The following AMPD1 variants were observed in gnomAD, a reference collection of about 807,000 sequenced individuals.
AMPD1 encodes the protein adenosine monophosphate deaminase 1.
A neutral mutation model predicts 82.9 loss-of-function variants in AMPD1; 74 were observed. The ratio of observed to expected loss-of-function variants is 0.89; its 90% CI spans 0.74 to 1.08. The LOEUF (loss-of-function observed/expected upper bound fraction) is 1.08. AMPD1 is among the 50% of genes least tolerant of loss of function. AMPD1 has a pLI of 0.00. For synonymous variants in AMPD1, 333 were observed against 320.5 expected (o/e 1.04, Z -0.42); for missense variants, 881 against 924.5 (o/e 0.95, Z 0.61).
chr1:114,694,037 T>G (rs1658600152), intron 1 of AMPD1, among the ~76,000 whole-genome samples: 1 of 152,006 alleles, frequency 6.6e-6, no homozygotes, highest in African/African-American at 2.4e-5. Flanking sequence ...CTGTGTTATA[T>G]GTGAAACACC....
At chr1:114,679,542 T>G in intron 7 of AMPD1, 37 bp downstream of exon 7, 1 of 1,612,266 alleles carries the variant, frequency 6.2e-7, no homozygotes, top group East Asian at 2.2e-5. Flanking sequence ...GAATTGTTTT[T>G]GCCCAGGAAT....
At chr1:114,690,927 G>A (rs1658497887) in intron 2 of AMPD1, among the ~76,000 whole-genome samples, 1 of 152,180 alleles carries the variant, frequency 6.6e-6, no homozygotes, top group South Asian at 2.1e-4. Flanking sequence ...AATGCTGGAG[G>A]CCTCAGGAAG....
In AMPD1 at chr1:114,675,553, G is replaced by A; in HGVS notation, c.1656C>T (p.Ile552=). 1 of 1,614,158 alleles carries A rather than the reference G, an allele frequency of 6.2e-7. No individual in the cohort carries two copies. Among genetic ancestry groups the A allele is most frequent in the Non-Finnish European group, 8.5e-7 (1 of 1,180,004 alleles). ...ACTTTCTCAGGCTGTTGAGCACCAT[G>A]ATGTTTGCATACATGTAGTAGGCAT... ...TYYAYYMYAN[I]MVLNSLRKER... is the part of the protein sequence containing the mutation. Residue 552 remains isoleucine, a synonymous_variant, in exon 12 of 16, where the codon ATC becomes ATT. Coordinates refer to ENST00000520113, the MANE Select transcript of AMPD1 (RefSeq NM_000036.3).
At chr1:114,687,845 C>G (rs545706409) in intron 3 of AMPD1, among the ~76,000 whole-genome samples, 1 of 152,180 alleles carries the variant, frequency 6.6e-6, no homozygotes, top group African/African-American at 2.4e-5. Context: ...GGATTCATGT[C>G]AGGGAGCATA....
At chr1:114,681,440 C>T (rs910392839) in intron 5 of AMPD1, among the ~76,000 whole-genome samples, 1 of 151,698 alleles carries the variant, frequency 6.6e-6, no homozygotes, top group African/African-American at 2.4e-5. Context: ...ACTAAAAATA[C>T]GAAAATTAGT....
At chr1:114,675,235 A>G (rs1657946093) in intron 12 of AMPD1, among the ~76,000 whole-genome samples, 1 of 152,242 alleles carries the variant, frequency 6.6e-6, no homozygotes, top group Non-Finnish European at 1.5e-5. Flanking sequence ...TTACCCAAAT[A>G]TATCAAGAAG....
chr1:114,695,026 T>C (rs1168056769), intron 1 of AMPD1, among the ~76,000 whole-genome samples: 1 of 152,154 alleles, frequency 6.6e-6, no homozygotes, highest in Admixed American at 6.6e-5. Flanking sequence ...CGTACAAACC[T>C]GGACAACAGA....
chr1:114,690,444 G>C (rs1177011566), intron 2 of AMPD1, among the ~76,000 whole-genome samples: 1 of 152,122 alleles, frequency 6.6e-6, no homozygotes, highest in East Asian at 1.9e-4. Context: ...ATGTACATTG[G>C]AGATGACAGG....
intron 5 of AMPD1, among the ~76,000 whole-genome samples, chr1:114,683,672 T>A (rs1457978749): frequency 6.6e-6 from 1 of 152,012 alleles, no homozygotes; most frequent in Non-Finnish European, 1.5e-5. Flanking sequence ...AGGAGGCAGA[T>A]GTTGCAGTGA....
intron 4 of AMPD1, 66 bp downstream of exon 4, chr1:114,686,679 G>A: frequency 6.5e-7 from 1 of 1,543,706 alleles, no homozygotes; most frequent in Non-Finnish European, 9.0e-7. Flanking sequence ...AAGAAGGCAA[G>A]GAGCTAGAAC....
chr1:114,686,731 A>G lies in AMPD1; in HGVS notation c.381+14T>C. On this transcript the variant is annotated intron_variant, in intron 4 of 15. Coordinates refer to ENST00000520113, the MANE Select transcript of AMPD1 (RefSeq NM_000036.3). ...TTCCTGGTTGCTAAGTCTGAGTGGC[A>G]AGGACCAACTCACCCCAGAGGCATA... 2 of 1,613,880 alleles carry G rather than the reference A, an allele frequency of 1.2e-6. No homozygotes were observed. Among genetic ancestry groups the G allele is most frequent in the Non-Finnish European group, 1.7e-6 (2 of 1,179,798 alleles).
At position 114,680,450 on chromosome 1, in the gene AMPD1, C is replaced by T. The variant is rs1424037179; in HGVS notation, c.576G>A (p.Glu192=). 4 of 1,614,104 alleles carry T rather than the reference C, an allele frequency of 2.5e-6. No individual in the cohort carries two copies. The highest frequency in any genetic ancestry group is 1.6e-4 in the Middle Eastern group (1 of 6,062). ...GAAGGTTGTCTGTTCGGAAGGGGTC[C>T]TCTCCCTTCTTCACAGGAGGAGTAA... ...PVFTPPVKKG[E]DPFRTDNLPE... Residue 192 remains glutamate (E), a synonymous_variant, in exon 6 of 16, where the codon GAG becomes GAA. Coordinates refer to ENST00000520113, the MANE Select transcript of AMPD1 (RefSeq NM_000036.3).
chr1:114,688,668 C>T lies in AMPD1; in HGVS notation c.108G>A (p.Gln36=). ...ASEVKDEGGR[Q]EISPFDVDEI... is the part of the protein sequence containing the mutation. ...CATCCACATCAAAGGGGGAAATCTC[C>T]TGACGACCTCCTTCATCTTTGACTT... is the stretch of plus-strand genomic sequence containing the variant. The change falls in exon 3 of 16, where the codon CAG becomes CAA. Residue 36 remains glutamine (Q), a synonymous_variant. Coordinates refer to ENST00000520113, the MANE Select transcript of AMPD1 (RefSeq NM_000036.3). 1 of 1,614,216 alleles carries T rather than the reference C, an allele frequency of 6.2e-7. No individual in the cohort carries two copies. Among genetic ancestry groups the T allele is most frequent in the Non-Finnish European group, 8.5e-7 (1 of 1,180,034 alleles).
chr1:114,685,606 CAGG>C (rs534100670), intron 4 of AMPD1, among the ~76,000 whole-genome samples: 122 of 152,308 alleles, frequency 8.0e-4, no homozygotes, highest in Middle Eastern at 3.4e-3. Flanking sequence ...CCAGCTTTCA[CAGG>C]AGGAGAAGTA....
Position 114,688,917 on chromosome 1 carries a change from G to C in AMPD1, c.35-176C>G, listed in dbSNP as rs80270587. The C allele has an allele frequency of 4.5e-4, 355 of 782,040 alleles. 4 individuals carry two copies. The African/African-American group carries it at 5.6e-3, about 12-fold the overall frequency. 48.4% of individuals were successfully genotyped at this position (782,040 alleles called of 1,614,324 possible). On this transcript the variant is annotated intron_variant, in intron 2 of 15. Transcript: ENST00000520113. Reference sequence around the variant, plus strand: ...CTCTCCTTTTAGTGGGTTTCTGTGTGGGTACCTTGAAAATATGCTCTCAGA... The same window carrying C: ...CTCTCCTTTTAGTGGGTTTCTGTGTCGGTACCTTGAAAATATGCTCTCAGA...
rs61401956 is a variant in AMPD1, at chr1:114,677,799, CTCCTTCCTTCCTTCCTTCCT to C, written c.1224+91_1224+110del. 509 of 528,146 alleles carry C rather than the reference CTCCTTCCTTCCTTCCTTCCT, an allele frequency of 9.6e-4. 5 individuals are homozygous for C. Among genetic ancestry groups the C allele is most frequent in the Middle Eastern group, 2.3e-3 (4 of 1,724 alleles). 32.7% of individuals were successfully genotyped at this position (528,146 alleles called of 1,614,324 possible). On this transcript the variant is annotated intron_variant, in intron 9 of 15. Coordinates refer to ENST00000520113, the MANE Select transcript of AMPD1 (RefSeq NM_000036.3). ...CTTCCTTCCTTCTTTCCCTCTCTCC[CTCCTTCCTTCCTTCCTTCCT>C]TCCTTCCTTCCTTCCTTCCTTCCTT...
intron 10 of AMPD1, chr1:114,676,204 T>A (rs972946233): frequency 3.3e-6 from 2 of 598,538 alleles, no homozygotes; most frequent in Non-Finnish European, 5.7e-6. Flanking sequence ...AATAAAAATT[T>A]TTTGGTGGAC....
rs1557968158 is a variant in AMPD1, at chr1:114,674,775, A to C, written c.1777T>G (p.Ser593Ala). 1.2e-6 allele frequency: 2 copies of C among 1,613,798 alleles called. No homozygotes were observed. Among genetic ancestry groups the C allele is most frequent in the Admixed American group, 1.7e-5 (1 of 60,018 alleles). ...MTAFMIADDI[S>A]HGLNLKKSPV... ...ACCTTTTTTAAATTTAGGCCATGAG[A>C]GATATCATCTGCTATCATGAATGCT... The change falls in exon 13 of 16, where the codon TCT (serine) becomes GCT (alanine). Residue 593 changes from serine (S) to alanine (A), a missense_variant. This residue lies in a region of AMPD1 where 783 missense variants were observed against 786.4 expected (regional missense o/e 1.00). Coordinates refer to ENST00000520113, the MANE Select transcript of AMPD1 (RefSeq NM_000036.3).
chr1:114,687,303 A>G (rs1179378895), intron 3 of AMPD1, among the ~76,000 whole-genome samples: 1 of 152,162 alleles, frequency 6.6e-6, no homozygotes, highest in African/African-American at 2.4e-5. Context: ...CCCATCTAAA[A>G]CAAATGGTGC....
Sources: allele counts gnomAD v4.1 joint callset (sites outside exome capture counted in the v4.1 genomes callset), GRCh38; gene constraint gnomAD v4.1.1; regional missense constraint gnomAD v4.1.1; transcripts MANE v1.5; gene names NCBI Gene and HGNC (gene_info 2026-07-23, HGNC 2026-07-21).